PPP1R14C: variants seen among roughly 807,000 people sequenced by gnomAD.
The protein encoded by PPP1R14C is protein phosphatase 1 regulatory subunit 14C.
A neutral mutation model predicts 20.4 loss-of-function variants in PPP1R14C; 16 were observed. The observed-to-expected ratio is 0.78, with a 90% CI of 0.53 to 1.19. The LOEUF is 1.19. PPP1R14C is among the 50% of genes most tolerant of loss of function. PPP1R14C has a pLI of 0.00. For missense variants in PPP1R14C, 211 were observed against 220.1 expected (o/e 0.96, Z 0.26); for synonymous variants, 91 against 91.0 (o/e 1.00, Z 0.00).
intron 1 of PPP1R14C, among the ~76,000 whole-genome samples, chr6:150,149,314 T>C (rs1279600044): frequency 1.3e-5 from 2 of 151,714 alleles, no homozygotes; most frequent in Non-Finnish European, 2.9e-5. Context: ...TGTGTGTGTG[T>C]GTGTGTGTGT....
At chr6:150,189,277 A>T (rs1777714817) in intron 1 of PPP1R14C, among the ~76,000 whole-genome samples, 1 of 152,160 alleles carries the variant, frequency 6.6e-6, no homozygotes, top group Non-Finnish European at 1.5e-5. Flanking sequence ...CTTCTCCTCG[A>T]AAGCACCAGG....
Position 150,236,638 on chromosome 6 carries a change from T to TGTGTGTGTGTGTGC in PPP1R14C, c.424-12107_424-12106insTGTGTGTGTGTGCG, listed in dbSNP as rs1311053700. On this transcript the variant is annotated intron_variant, in intron 3 of 3. Coordinates refer to ENST00000361131, the MANE Select transcript of PPP1R14C (RefSeq NM_030949.3). ...CTGTGTGTGTGTGTGTGTGTGTGTG[T>TGTGTGTGTGTGTGC]GCGCGTGTGTGTGTTTAGCCAGGAG... Among the ~76,000 whole-genome samples the TGTGTGTGTGTGTGC allele has an allele frequency of 1.9e-4, 27 of 142,158 alleles. 2 individuals are homozygous for TGTGTGTGTGTGTGC. Among genetic ancestry groups the TGTGTGTGTGTGTGC allele is most frequent in the African/African-American group, 6.7e-4 (27 of 40,482 alleles). The allele number at this position is 142,158 out of a possible 152,430, so 93.3% of individuals were successfully genotyped here. A position where few individuals can be genotyped will look rare whatever the true frequency, so the allele number is the denominator to read the frequency against.
intron 3 of PPP1R14C, among the ~76,000 whole-genome samples, chr6:150,218,922 A>T (rs771134029): frequency 2.0e-5 from 3 of 152,016 alleles, no homozygotes; most frequent in Non-Finnish European, 2.9e-5. Flanking sequence ...AAAGTGCTGG[A>T]ATTACAGGCA....
intron 1 of PPP1R14C, among the ~76,000 whole-genome samples, chr6:150,146,374 A>G (rs151121741): frequency 8.5e-5 from 13 of 152,354 alleles, no homozygotes; most frequent in Admixed American, 2.0e-4. Context: ...ATCTGTCTAA[A>G]TGTTTAAAAC....
intron 1 of PPP1R14C, among the ~76,000 whole-genome samples, chr6:150,186,160 A>G (rs1777675120): frequency 6.6e-6 from 1 of 152,190 alleles, no homozygotes; most frequent in African/African-American, 2.4e-5. Flanking sequence ...CCCTTGCCAC[A>G]TCTCCACCCT....
At chr6:150,247,099 A>G (rs1359817348) in intron 3 of PPP1R14C, among the ~76,000 whole-genome samples, 1 of 152,176 alleles carries the variant, frequency 6.6e-6, no homozygotes, top group East Asian at 1.9e-4. Context: ...ATAATATTAA[A>G]TATTTAGGGT....
intron 1 of PPP1R14C, among the ~76,000 whole-genome samples, chr6:150,178,865 T>C (rs1420127659): frequency 6.6e-6 from 1 of 152,190 alleles, no homozygotes; most frequent in Non-Finnish European, 1.5e-5. Context: ...GAGGAGGAAA[T>C]AAACAGGATC....
At chr6:150,236,345 A>G (rs1299283250) in intron 3 of PPP1R14C, among the ~76,000 whole-genome samples, 4 of 152,204 alleles carry the variant, frequency 2.6e-5, no homozygotes, top group African/African-American at 7.2e-5. Flanking sequence ...TGCCAAGCAA[A>G]CTAGAAATGC....
At chr6:150,213,344 G>GTC (rs1410182612) in intron 1 of PPP1R14C, among the ~76,000 whole-genome samples, 1 of 103,008 alleles carries the variant, frequency 9.7e-6, no homozygotes, top group Non-Finnish European at 2.0e-5. Context: ...CTTTTGTGTT[G>GTC]TAACACACAC....
intron 3 of PPP1R14C, among the ~76,000 whole-genome samples, chr6:150,222,594 G>GCT (rs2114917315): frequency 6.6e-6 from 1 of 152,078 alleles, no homozygotes; most frequent in East Asian, 1.9e-4. Context: ...AATCCTCCGT[G>GCT]CTCTGCCTGT....
intron 3 of PPP1R14C, among the ~76,000 whole-genome samples, chr6:150,239,412 AG>A (rs1778406063): frequency 6.6e-6 from 1 of 152,274 alleles, no homozygotes; most frequent in Non-Finnish European, 1.5e-5. Flanking sequence ...ATTAGAAATA[AG>A]TAACAGAAAG....
At chr6:150,215,539 C>T (rs186958190) in intron 2 of PPP1R14C, among the ~76,000 whole-genome samples, 21 of 152,308 alleles carry the variant, frequency 1.4e-4, no homozygotes, top group Admixed American at 3.9e-4. Flanking sequence ...ATGGCCACTA[C>T]GGCAATCAAA....
At chr6:150,236,285 T>C (rs1386334428) in intron 3 of PPP1R14C, among the ~76,000 whole-genome samples, 2 of 151,150 alleles carry the variant, frequency 1.3e-5, no homozygotes, top group South Asian at 2.1e-4. Context: ...AAGTATGTGC[T>C]GTATCTGAGT....
rs575621283 is a variant in PPP1R14C at position 150,241,496 on chromosome 6, C to A, written c.424-7250C>A. On this transcript the variant is annotated intron_variant, in intron 3 of 3. Coordinates refer to ENST00000361131, the MANE Select transcript of PPP1R14C (RefSeq NM_030949.3). ...GTCAGCCAGAAGTATAGGTTGACAA[C>A]CTGGAACCTAGAATTGGCATCTGAA... 5.3e-5 allele frequency among the ~76,000 whole-genome samples: 8 copies of A among 152,266 alleles called. No homozygotes were observed. The East Asian group carries it at 9.7e-4, about 18-fold the overall frequency.
At chr6:150,182,033 A>G (rs1033344115) in intron 1 of PPP1R14C, among the ~76,000 whole-genome samples, 2 of 152,266 alleles carry the variant, frequency 1.3e-5, no homozygotes, top group African/African-American at 4.8e-5. Flanking sequence ...CAAATTGACT[A>G]TATAGCTAAC....
At chr6:150,173,141 C>T (rs915320715) in intron 1 of PPP1R14C, among the ~76,000 whole-genome samples, 2 of 152,092 alleles carry the variant, frequency 1.3e-5, no homozygotes, top group African/African-American at 2.4e-5. Flanking sequence ...GTGCATTTCT[C>T]GACACTAAGA....
chr6:150,146,397 C>T (rs1777180934), intron 1 of PPP1R14C, among the ~76,000 whole-genome samples: 1 of 152,198 alleles, frequency 6.6e-6, no homozygotes, highest in South Asian at 2.1e-4. Context: ...ATGAGTTAAA[C>T]TAACAACATT....
intron 1 of PPP1R14C, among the ~76,000 whole-genome samples, chr6:150,200,312 T>C (rs1777861407): frequency 6.6e-6 from 1 of 151,344 alleles, no homozygotes; most frequent in Admixed American, 6.6e-5. Flanking sequence ...TAGACTCTAT[T>C]TGAGCCCTGG....
chr6:150,163,760 T>G (rs1777396634), intron 1 of PPP1R14C, among the ~76,000 whole-genome samples: 1 of 152,214 alleles, frequency 6.6e-6, no homozygotes, highest in Admixed American at 6.5e-5. Context: ...CACAGTTGTT[T>G]TTTTATCGAT....
Sources: gnomAD v4.1 joint callset for allele counts (sites outside exome capture counted in the v4.1 genomes callset) on GRCh38, gnomAD v4.1.1 for gene constraint, MANE v1.5 for transcripts, NCBI Gene and HGNC (gene_info 2026-07-23, HGNC 2026-07-21) for gene names.